The following C4orf36 variants were observed in gnomAD, a reference collection of about 807,000 sequenced individuals.
C4orf36 encodes the protein uncharacterized protein C4orf36.
In C4orf36, 11 loss-of-function variants were observed where a neutral mutation model predicts 12.2. That is an observed-to-expected ratio of 0.90 (90% CI 0.57 to 1.49). The LOEUF is 1.49. C4orf36 is among the 40% of genes most tolerant of loss of function. The pLI is 0.00. For synonymous variants in C4orf36, 54 were observed against 51.3 expected (o/e 1.05, Z -0.22); for missense variants, 137 against 133.9 (o/e 1.02, Z -0.11).
At chr4:86,885,687 T>C (rs1275854577) in intron 4 of C4orf36, among the ~76,000 whole-genome samples, 1 of 152,192 alleles carries the variant, frequency 6.6e-6, no homozygotes, top group East Asian at 1.9e-4. Context: ...GAATATGCTT[T>C]ATTTCTTTCT....
chr4:86,877,523 G>C (rs2149419040), intron 4 of C4orf36, among the ~76,000 whole-genome samples: 1 of 152,310 alleles, frequency 6.6e-6, no homozygotes, highest in African/African-American at 2.4e-5. Context: ...TTTGGACTAG[G>C]AATGTTGATG....
intron 4 of C4orf36, chr4:86,876,732 C>A (rs1746937138): frequency 3.3e-6 from 5 of 1,535,964 alleles, no homozygotes; most frequent in Non-Finnish European, 4.4e-6. Flanking sequence ...TAGGAAAGTT[C>A]TCTGGCTGTT....
intron 4 of C4orf36, 107 bp downstream of exon 4, chr4:86,887,651 C>T: frequency 2.3e-6 from 3 of 1,306,632 alleles, no homozygotes; most frequent in East Asian, 4.9e-5. Flanking sequence ...GCCCATCCAC[C>T]AGTGGGCATT....
chr4:86,883,312 G>A (rs989844348), intron 4 of C4orf36, among the ~76,000 whole-genome samples: 5 of 152,132 alleles, frequency 3.3e-5, no homozygotes, highest in African/African-American at 1.2e-4. Context: ...AGGTACAGTG[G>A]CCATATTTTC....
intron 4 of C4orf36, chr4:86,886,694 AGAC>A (rs1262662484): frequency 5.9e-5 from 9 of 152,222 alleles, no homozygotes; most frequent in African/African-American, 2.2e-4. Flanking sequence ...CCATTGTGGA[AGAC>A]AGTGTGGCAA....
intron 2 of C4orf36, among the ~76,000 whole-genome samples, chr4:86,888,710 A>G (rs750135332): frequency 6.6e-6 from 1 of 152,232 alleles, no homozygotes; most frequent in Admixed American, 6.5e-5. Context: ...GAAATTCCAA[A>G]CTACAAATTC....
chr4:86,935,263 C>T, the C4orf36 span: 9 of 152,404 alleles, frequency 5.9e-5, no homozygotes, highest in Admixed American at 5.2e-4. Context: ...CTGCGCCACC[C>T]AGGGCTGGGG....
At chr4:86,878,616 T>C (rs1227514852) in intron 4 of C4orf36, among the ~76,000 whole-genome samples, 1 of 152,140 alleles carries the variant, frequency 6.6e-6, no homozygotes, top group Non-Finnish European at 1.5e-5. Flanking sequence ...GTGCACAAGG[T>C]GGCACAACCA....
chr4:86,881,151 A>G (rs1047855776), intron 4 of C4orf36, among the ~76,000 whole-genome samples: 1 of 152,174 alleles, frequency 6.6e-6, no homozygotes, highest in Non-Finnish European at 1.5e-5. Context: ...ATACAAAAGC[A>G]TGAAAAATAA....
chr4:86,917,480 GAAAA>G, the C4orf36 span, among the ~76,000 whole-genome samples: 3 of 135,212 alleles, frequency 2.2e-5, no homozygotes, highest in African/African-American at 8.2e-5. Context: ...AAGAAATAAA[GAAAA>G]AGAAAGGGAG....
At chr4:86,910,692 G>A in the C4orf36 span, among the ~76,000 whole-genome samples, 1 of 152,140 alleles carries the variant, frequency 6.6e-6, no homozygotes, top group East Asian at 1.9e-4. Flanking sequence ...TTTATGCTTA[G>A]AAAAAGGGAA....
At chr4:86,879,672 CA>C (rs1747002294) in intron 4 of C4orf36, among the ~76,000 whole-genome samples, 3 of 151,930 alleles carry the variant, frequency 2.0e-5, no homozygotes, top group Admixed American at 2.0e-4. Flanking sequence ...ATGAACATAC[CA>C]ATTCAAAAAG....
At chr4:86,907,856 C>G in the C4orf36 span, among the ~76,000 whole-genome samples, 1 of 151,654 alleles carries the variant, frequency 6.6e-6, no homozygotes, top group African/African-American at 2.4e-5. Context: ...GTAATCCCAG[C>G]TGCTCAGGAG....
intron 2 of C4orf36, among the ~76,000 whole-genome samples, 180 bp downstream of exon 2, chr4:86,891,276 C>T (rs1467906987): frequency 2.6e-5 from 3 of 114,994 alleles, no homozygotes; most frequent in Non-Finnish European, 5.3e-5. Flanking sequence ...AGATAATTAA[C>T]TTATAAAAGC....
At chr4:86,913,996 A>G in the C4orf36 span, 16 of 1,590,706 alleles carry the variant, frequency 1.0e-5, no homozygotes, top group African/African-American at 1.3e-5. Context: ...AACAGTCTGC[A>G]TTTGAAGTCA....
the C4orf36 span, among the ~76,000 whole-genome samples, chr4:86,923,006 A>G: frequency 6.7e-6 from 1 of 149,304 alleles, no homozygotes; most frequent in Admixed American, 6.7e-5. Context: ...GATGGTCTCC[A>G]ACTCCTGACC....
chr4:86,930,279 C>T, the C4orf36 span, among the ~76,000 whole-genome samples: 1 of 152,258 alleles, frequency 6.6e-6, no homozygotes, highest in Non-Finnish European at 1.5e-5. Context: ...ATTGCCAGCT[C>T]CCTTGAGCCT....
chr4:86,932,787 TA>T, the C4orf36 span, among the ~76,000 whole-genome samples: 6,858 of 129,624 alleles, frequency 0.053, 606 homozygotes, highest in African/African-American at 0.18. Flanking sequence ...GGGGTTCTGT[TA>T]AAAAAAAAAA....
At chr4:86,877,369 T>G (rs1008061728) in intron 4 of C4orf36, among the ~76,000 whole-genome samples, 1 of 152,166 alleles carries the variant, frequency 6.6e-6, no homozygotes, top group Non-Finnish European at 1.5e-5. Context: ...AGGACAGGTA[T>G]GTAAAGGAAG....
Sources: gnomAD v4.1 joint callset for allele counts (sites outside exome capture counted in the v4.1 genomes callset) on GRCh38, gnomAD v4.1.1 for gene constraint, MANE v1.5 for transcripts, NCBI Gene and HGNC (gene_info 2026-07-23, HGNC 2026-07-21) for gene names.